The following HDAC7 variants were observed in gnomAD, a reference collection of about 807,000 sequenced individuals.
HDAC7 encodes histone deacetylase 7.
A neutral mutation model predicts 115.5 loss-of-function variants in HDAC7; 26 were observed. The ratio of observed to expected loss-of-function variants is 0.23; its 90% CI spans 0.16 to 0.31. HDAC7 has a LOEUF of 0.31. Ranked by LOEUF, HDAC7 falls within the 10% of genes least tolerant of loss-of-function variation. The pLI, the probability that HDAC7 is intolerant of heterozygous loss-of-function variation, is 1.00. For synonymous variants in HDAC7, 564 were observed against 550.9 expected (o/e 1.02, Z -0.33); for missense variants, 1,068 against 1,329.0 (o/e 0.80, Z 3.05).
In HDAC7 at chr12:47,798,515, C is replaced by CAG. The variant is rs1943993490; in HGVS notation, c.349+46_349+47insCT. On this transcript the variant is annotated intron_variant, in intron 4 of 25. Transcript: ENST00000080059. The surrounding 1 kb of genome is among the most constrained non-coding windows in gnomAD (Gnocchi z 4.3). ...CACAAGCCACACAGGCAGCCGCAGGCACCTGGCTGGTGGGGCTGGGCTGGG... is the reference window on the plus strand; with the variant it reads ...CACAAGCCACACAGGCAGCCGCAGGCAGACCTGGCTGGTGGGGCTGGGCTGGG... The CAG allele has an allele frequency of 4.5e-6, 7 of 1,558,694 alleles. No individual in the cohort carries two copies. Among genetic ancestry groups the CAG allele is most frequent in the Non-Finnish European group, 6.2e-6 (7 of 1,132,566 alleles).
rs894751068 is a variant in HDAC7, at chr12:47,803,264, G to C, written c.20-990C>G. On this transcript the variant is annotated intron_variant, in intron 1 of 25. Transcript: ENST00000080059. The surrounding 1 kb of genome is among the most constrained non-coding windows in gnomAD (Gnocchi z 4.0). ...AGAGGCTGCCTGGACGGGGTACTGG[G>C]TGGACACAGAAGCGCTCTGCTGGCC... Among the ~76,000 whole-genome samples, 6 of 152,226 alleles carry C rather than the reference G, an allele frequency of 3.9e-5. No homozygotes were observed. The highest frequency in any genetic ancestry group is 1.3e-4 in the Admixed American group (2 of 15,284).
In HDAC7 at chr12:47,795,796, G is replaced by A. The variant is rs1369801798; in HGVS notation, c.907-29C>T. Reference sequence around the variant, plus strand: ...GGGGAGAGGCGGGAGAAGTCACGGGGAAGAAGATTCCAGCAGAGAACAATG... The same window carrying A: ...GGGGAGAGGCGGGAGAAGTCACGGGAAAGAAGATTCCAGCAGAGAACAATG... On this transcript the variant is annotated intron_variant, in intron 9 of 25. Coordinates refer to ENST00000080059, the MANE Select transcript of HDAC7 (RefSeq NM_015401.5). The surrounding 1 kb of genome is among the most constrained non-coding windows in gnomAD (Gnocchi z 4.3). 3.3e-6 allele frequency: 5 copies of A among 1,517,656 alleles called. No individual in the cohort carries two copies. The African/African-American group carries it at 4.2e-5, about 13-fold the overall frequency. 94.0% of individuals were successfully genotyped at this position (1,517,656 alleles called of 1,614,324 possible). A position where few individuals can be genotyped will look rare whatever the true frequency, so the allele number is the denominator to read the frequency against.
At chr12:47,805,886 G>A (rs1425855694) in intron 1 of HDAC7, among the ~76,000 whole-genome samples, 1 of 152,198 alleles carries the variant, frequency 6.6e-6, no homozygotes, top group African/African-American at 2.4e-5. Flanking sequence ...TCTAGGGGTT[G>A]AAAAGATGGA....
At chr12:47,809,209 T>C (rs1944542669) in intron 1 of HDAC7, among the ~76,000 whole-genome samples, 1 of 152,034 alleles carries the variant, frequency 6.6e-6, no homozygotes, top group Non-Finnish European at 1.5e-5. Context: ...CCCTCTGAGG[T>C]GTCACACTCA....
chr12:47,818,158 G>A (rs1050558701), intron 1 of HDAC7, among the ~76,000 whole-genome samples: 1 of 152,146 alleles, frequency 6.6e-6, no homozygotes, highest in East Asian at 1.9e-4. Flanking sequence ...AAAACCCACT[G>A]TAAGACCCGG....
At chr12:47,809,919 G>T (rs1944577812) in intron 1 of HDAC7, among the ~76,000 whole-genome samples, 1 of 151,970 alleles carries the variant, frequency 6.6e-6, no homozygotes, top group African/African-American at 2.4e-5. Context: ...TCACAACTCT[G>T]TAAGGCAGAT....
In HDAC7 at chr12:47,783,723, C is replaced by G; in HGVS notation, c.*118G>C. ...ACTGTCAAAGCAGGCAGGCTGTTCT[C>G]TGGTTCCAACTACTTGCCCACAGGA... is the stretch of plus-strand genomic sequence containing the variant. On this transcript the variant is annotated 3_prime_UTR_variant, in exon 26 of 26. Coordinates refer to ENST00000080059, the MANE Select transcript of HDAC7 (RefSeq NM_015401.5). The G allele has an allele frequency of 9.9e-7, 1 of 1,005,702 alleles. No homozygotes were observed. The highest frequency in any genetic ancestry group is 1.5e-6 in the Non-Finnish European group (1 of 648,778). 62.3% of individuals were successfully genotyped at this position (1,005,702 alleles called of 1,614,324 possible). A position where few individuals can be genotyped will look rare whatever the true frequency, so the allele number is the denominator to read the frequency against.
rs1943977691 is a variant in HDAC7 at position 47,798,299 on chromosome 12, C to T, written c.350-80G>A. 2 of 1,171,298 alleles carry T rather than the reference C, an allele frequency of 1.7e-6. No individual in the cohort carries two copies. Among genetic ancestry groups the T allele is most frequent in the Non-Finnish European group, 2.6e-6 (2 of 783,930 alleles). The allele number at this position is 1,171,298 out of a possible 1,614,324, so 72.6% of individuals were successfully genotyped here. On this transcript the variant is annotated intron_variant, in intron 4 of 25. Transcript: ENST00000080059. The surrounding 1 kb of genome is among the most constrained non-coding windows in gnomAD (Gnocchi z 4.3). ...GCACTACCTGGCCACTGCCCTGTCC[C>T]CATCCTCAGTAGGAGGCGTCCCAGG...
rs1943292320 is a variant in HDAC7, at chr12:47,788,400, G to A, written c.2236-236C>T. On this transcript the variant is annotated intron_variant, in intron 19 of 25. Coordinates refer to ENST00000080059, the MANE Select transcript of HDAC7 (RefSeq NM_015401.5). ...TGTAATATGAGATCCTGAAGGAGAG[G>A]AGGTGTCCCAATCTCAGGCCAGCCC... is the stretch of plus-strand genomic sequence containing the variant. 8 of 371,812 alleles carry A rather than the reference G, an allele frequency of 2.2e-5. No homozygotes were observed. The Admixed American group carries it at 3.0e-4, about 14-fold the overall frequency. The allele number at this position is 371,812 out of a possible 1,614,324, so 23.0% of individuals were successfully genotyped here.
chr12:47,802,539 C>T (rs1307384484), intron 1 of HDAC7: 1 of 1,489,586 alleles, frequency 6.7e-7, no homozygotes, highest in East Asian at 2.5e-5. Flanking sequence ...ACAGCAAGAA[C>T]CTAAGGAGGC....
intron 1 of HDAC7, among the ~76,000 whole-genome samples, chr12:47,805,554 T>C (rs1230881095): frequency 6.6e-6 from 1 of 152,164 alleles, no homozygotes. Flanking sequence ...TGAGTCTCCA[T>C]GGGGCTGGCA....
At chr12:47,804,912 A>G (rs1005168725) in intron 1 of HDAC7, among the ~76,000 whole-genome samples, 12 of 151,996 alleles carry the variant, frequency 7.9e-5, no homozygotes, top group Non-Finnish European at 5.9e-5. Context: ...CCCAGCAGGT[A>G]TGACTTTGCC....
Position 47,792,186 on chromosome 12 carries a change from C to A in HDAC7, c.1679-182G>T. 4.6e-6 allele frequency: 3 copies of A among 649,746 alleles called. No individual in the cohort carries two copies. In the South Asian group the frequency reaches 6.0e-5, roughly 13 times the overall value. The allele number at this position is 649,746 out of a possible 1,614,324, so 40.2% of individuals were successfully genotyped here. On this transcript the variant is annotated intron_variant, in intron 13 of 25. Coordinates refer to ENST00000080059, the MANE Select transcript of HDAC7 (RefSeq NM_015401.5). ...CCTACCCCAGCCCCAGCCCCTCACA[C>A]CTGTCCACACACGCCCAGACACTTC... is the stretch of plus-strand genomic sequence containing the variant.
rs776465576 is a variant in HDAC7 at position 47,802,205 on chromosome 12, C to G, written c.70+19G>C. 1.9e-6 allele frequency: 3 copies of G among 1,610,904 alleles called. No individual in the cohort carries two copies. The highest frequency in any genetic ancestry group is 2.5e-6 in the Non-Finnish European group (3 of 1,178,662). ...ATCTTCCACTCCCTACCATGGACTC[C>G]CCCGGGTTTGACTCTTACCTGCGCC... On this transcript the variant is annotated intron_variant, in intron 2 of 25. Coordinates refer to ENST00000080059, the MANE Select transcript of HDAC7 (RefSeq NM_015401.5).
Position 47,791,726 on chromosome 12 carries a change from GCT to G in HDAC7, c.1813-22_1813-21del. Reference sequence around the variant, plus strand: ...GAGACACTGAAAAGGGGACCACAGAGCTCTGAGCTCATGCTCGCCCCTTCCCT... The same window carrying G: ...GAGACACTGAAAAGGGGACCACAGAGCTGAGCTCATGCTCGCCCCTTCCCT... On this transcript the variant is annotated intron_variant, in intron 14 of 25. Transcript: ENST00000080059. The G allele has an allele frequency of 6.2e-7, 1 of 1,612,656 alleles. No homozygotes were observed. Among genetic ancestry groups the G allele is most frequent in the African/African-American group, 1.3e-5 (1 of 75,010 alleles).
At position 47,803,773 on chromosome 12, in the gene HDAC7, G is replaced by A. The variant is rs557784213; in HGVS notation, c.20-1499C>T. Among the ~76,000 whole-genome samples, 1 of 152,298 alleles carries A rather than the reference G, an allele frequency of 6.6e-6. No homozygotes were observed. Among genetic ancestry groups the A allele is most frequent in the African/African-American group, 2.4e-5 (1 of 41,548 alleles). The stretch of plus-strand genomic sequence containing the variant: ...GACTCTCTCCTGACAACCTGCCTGA[G>A]ACACAGCATGCATATTTCTCAAGGT... On this transcript the variant is annotated intron_variant, in intron 1 of 25. Coordinates refer to ENST00000080059, the MANE Select transcript of HDAC7 (RefSeq NM_015401.5). The surrounding 1 kb of genome is among the most constrained non-coding windows in gnomAD (Gnocchi z 4.0).
chr12:47,786,512 G>A (rs1435421837), intron 22 of HDAC7, 73 bp downstream of exon 22: 1 of 1,054,298 alleles, frequency 9.5e-7, no homozygotes, highest in East Asian at 2.4e-5. Context: ...TTTCTGACTT[G>A]GGAGTGCCTC....
intron 1 of HDAC7, among the ~76,000 whole-genome samples, chr12:47,804,786 C>T (rs1211542437): frequency 6.6e-6 from 1 of 152,082 alleles, no homozygotes; most frequent in Non-Finnish European, 1.5e-5. Flanking sequence ...ATAGGTGCAC[C>T]CCAGCCCTCA....
Position 47,798,675 on chromosome 12 carries a change from A to C in HDAC7, c.259-23T>G, listed in dbSNP as rs1489675062. ...GAGCTGTGGGCAGGGCCGGCAGCCC[A>C]GAAAGGGACAAGGAGTTGAGGACTG... is the stretch of plus-strand genomic sequence containing the variant. On this transcript the variant is annotated intron_variant, in intron 3 of 25. Transcript: ENST00000080059. The surrounding 1 kb of genome is among the most constrained non-coding windows in gnomAD (Gnocchi z 4.3). 17 of 1,603,738 alleles carry C rather than the reference A, an allele frequency of 1.1e-5. No homozygotes were observed. Among genetic ancestry groups the C allele is most frequent in the Non-Finnish European group, 1.4e-5 (17 of 1,174,788 alleles).
Sources: allele counts gnomAD v4.1 joint callset (sites outside exome capture counted in the v4.1 genomes callset), GRCh38; gene constraint gnomAD v4.1.1; non-coding constraint Gnocchi (gnomAD v3.1); transcripts MANE v1.5; gene names NCBI Gene and HGNC (gene_info 2026-07-23, HGNC 2026-07-21).